THSD4: variants seen among roughly 807,000 people sequenced by gnomAD.
The protein encoded by THSD4 is thrombospondin type-1 domain-containing protein 4.
A neutral mutation model predicts 119.0 loss-of-function variants in THSD4; 69 were observed. That is an observed-to-expected ratio of 0.58 (90% CI 0.48 to 0.71). The LOEUF (loss-of-function observed/expected upper bound fraction) is 0.71. Among genes scored for constraint, THSD4 ranks in the 30% least tolerant of loss-of-function variants. The probability of loss-of-function intolerance (pLI) is 0.00; values close to 1 mark genes in which losing one functional copy is unlikely to be tolerated. For synonymous variants in THSD4, 524 were observed against 540.4 expected (o/e 0.97, Z 0.42); for missense variants, 1,393 against 1,391.1 (o/e 1.00, Z -0.02).
intron 8 of THSD4, among the ~76,000 whole-genome samples, chr15:71,670,107 G>A (rs1365055833): frequency 1.3e-5 from 2 of 151,996 alleles, no homozygotes; most frequent in African/African-American, 4.8e-5. Flanking sequence ...TATACTTTAA[G>A]TTCTAGGGTA....
At chr15:71,736,554 GCTGTCTCTCTTTCTTACTCTGTTTCT>G (rs2053114534) in intron 10 of THSD4, among the ~76,000 whole-genome samples, 1 of 141,638 alleles carries the variant, frequency 7.1e-6, no homozygotes, top group Non-Finnish European at 1.6e-5. Flanking sequence ...TCTCTCTCTC[GCTGTCTCTCTTTCTTACTCTGTTTCT>G]CTGTCTCTCT....
At position 71,731,237 on chromosome 15, in the gene THSD4, G is replaced by C. The variant is rs950588298; in HGVS notation, c.1630+20G>C. 20 of 1,609,218 alleles carry C rather than the reference G, an allele frequency of 1.2e-5. No individual in the cohort carries two copies. Among genetic ancestry groups the C allele is most frequent in the African/African-American group, 4.0e-5 (3 of 74,848 alleles). On this transcript the variant is annotated intron_variant, in intron 10 of 17. Coordinates refer to ENST00000261862, the MANE Select transcript of THSD4 (RefSeq NM_024817.3). Reference sequence around the variant, plus strand: ...GACCAGGTAGAATCCCTTGTCTTGTGGCCGGGGACTCTGGTCATTTCCTTG... The same window carrying C: ...GACCAGGTAGAATCCCTTGTCTTGTCGCCGGGGACTCTGGTCATTTCCTTG...
intron 7 of THSD4, among the ~76,000 whole-genome samples, chr15:71,611,889 G>A (rs921268659): frequency 6.6e-6 from 1 of 152,062 alleles, no homozygotes; most frequent in African/African-American, 2.4e-5. Flanking sequence ...ATGTAATGGT[G>A]GGGAGGGGAG....
chr15:71,765,219 A>G lies in THSD4; in HGVS notation c.2769+20A>G. ...AGCATGGTAAGTCATGGTGCTCTTG[A>G]TGGAGGTTGCATTGGCACAACGTCC... On this transcript the variant is annotated intron_variant, in intron 16 of 17. Coordinates refer to ENST00000261862, the MANE Select transcript of THSD4 (RefSeq NM_024817.3). 2 of 1,609,690 alleles carry G rather than the reference A, an allele frequency of 1.2e-6. No individual in the cohort carries two copies. Among genetic ancestry groups the G allele is most frequent in the African/African-American group, 1.3e-5 (1 of 74,968 alleles).
intron 14 of THSD4, among the ~76,000 whole-genome samples, chr15:71,753,327 GA>G (rs769525632): frequency 1.7e-4 from 26 of 151,860 alleles, no homozygotes; most frequent in East Asian, 1.2e-3. Context: ...ATCACAACAG[GA>G]AAAAAACACT....
intron 8 of THSD4, among the ~76,000 whole-genome samples, chr15:71,697,424 C>T (rs1407192704): frequency 6.6e-6 from 1 of 152,168 alleles, no homozygotes; most frequent in Non-Finnish European, 1.5e-5. Flanking sequence ...ACAACTCTTG[C>T]TCAGGGGAAG....
At chr15:71,442,644 ATGTG>A (rs1322209972) in intron 7 of THSD4, among the ~76,000 whole-genome samples, 1 of 38,438 alleles carries the variant, frequency 2.6e-5, no homozygotes, top group South Asian at 1.3e-3. Context: ...GTGTGTGTAT[ATGTG>A]TGTGTGTGTG....
intron 6 of THSD4, among the ~76,000 whole-genome samples, chr15:71,278,727 G>A (rs2044619440): frequency 1.3e-5 from 2 of 152,152 alleles, no homozygotes; most frequent in Admixed American, 6.5e-5. Flanking sequence ...GGTGGAGAAA[G>A]CCAAGTATTG....
intron 7 of THSD4, among the ~76,000 whole-genome samples, chr15:71,519,856 G>C (rs1447220526): frequency 6.6e-6 from 1 of 152,184 alleles, no homozygotes; most frequent in Non-Finnish European, 1.5e-5. Context: ...CCTACCTCCA[G>C]GCCCTGGGTG....
At chr15:71,404,411 A>G (rs1394137011) in intron 6 of THSD4, among the ~76,000 whole-genome samples, 1 of 152,248 alleles carries the variant, frequency 6.6e-6, no homozygotes, top group Non-Finnish European at 1.5e-5. Context: ...GTTATAGCAT[A>G]TATCCATACT....
chr15:71,770,716 T>C (rs1171257637), intron 16 of THSD4, among the ~76,000 whole-genome samples: 1 of 152,174 alleles, frequency 6.6e-6, no homozygotes, highest in Non-Finnish European at 1.5e-5. Flanking sequence ...TGAGTCTATA[T>C]TGAAGAGAAT....
chr15:71,676,687 C>A (rs1212256813), intron 8 of THSD4, among the ~76,000 whole-genome samples: 1 of 152,190 alleles, frequency 6.6e-6, no homozygotes, highest in Non-Finnish European at 1.5e-5. Context: ...ATGCACTGAC[C>A]TATTCTAGGA....
chr15:71,307,534 G>A (rs942318365), intron 6 of THSD4, among the ~76,000 whole-genome samples: 9 of 152,214 alleles, frequency 5.9e-5, no homozygotes, highest in African/African-American at 1.9e-4. Context: ...CACTTTGGGA[G>A]GCTGAGGCAG....
At chr15:71,766,273 G>A (rs1464970414) in intron 16 of THSD4, among the ~76,000 whole-genome samples, 1 of 152,018 alleles carries the variant, frequency 6.6e-6, no homozygotes, top group African/African-American at 2.4e-5. Flanking sequence ...CAGGTGACCA[G>A]AAAACCTCCT....
intron 7 of THSD4, among the ~76,000 whole-genome samples, chr15:71,612,315 C>G (rs1418712639): frequency 6.6e-6 from 1 of 152,174 alleles, no homozygotes; most frequent in African/African-American, 2.4e-5. Flanking sequence ...TCAACAATCA[C>G]CCCCCGGTGG....
chr15:71,554,724 T>C (rs1235017205), intron 7 of THSD4, among the ~76,000 whole-genome samples: 1 of 56,946 alleles, frequency 1.8e-5, no homozygotes, highest in Non-Finnish European at 4.0e-5. Flanking sequence ...ACCAAAAAGT[T>C]ACCTTTTTTT....
At chr15:71,459,338 GTCTC>G (rs201750297) in intron 7 of THSD4, among the ~76,000 whole-genome samples, 12 of 131,562 alleles carry the variant, frequency 9.1e-5, no homozygotes, top group Admixed American at 6.6e-4. Flanking sequence ...CTCTCTCTCT[GTCTC>G]TCTGTCTCTC....
At chr15:71,650,542 T>C (rs1383151079) in intron 7 of THSD4, among the ~76,000 whole-genome samples, 1 of 152,092 alleles carries the variant, frequency 6.6e-6, no homozygotes. Context: ...CTTAAGGAGA[T>C]GAATAACTCC....
chr15:71,496,075 A>G (rs1435225585), intron 7 of THSD4, among the ~76,000 whole-genome samples: 1 of 152,238 alleles, frequency 6.6e-6, no homozygotes, highest in Non-Finnish European at 1.5e-5. Flanking sequence ...AGATTTAGCT[A>G]AATACCATCC....
Sources: gnomAD v4.1 joint callset for allele counts (sites outside exome capture counted in the v4.1 genomes callset) on GRCh38, gnomAD v4.1.1 for gene constraint, MANE v1.5 for transcripts, NCBI Gene and HGNC (gene_info 2026-07-23, HGNC 2026-07-21) for gene names.